The following MYO1H variants were observed in gnomAD, a reference collection of about 807,000 sequenced individuals.
The protein encoded by MYO1H is myosin IH.
Under a neutral mutation model 149.3 loss-of-function variants are expected in MYO1H, and 118 were observed. The observed-to-expected ratio is 0.79, with a 90% CI of 0.68 to 0.92. The LOEUF is 0.92. Among genes scored for constraint, MYO1H ranks in the 40% least tolerant of loss-of-function variants. The pLI is 0.00. For missense variants in MYO1H, 1,212 were observed against 1,280.7 expected, an observed-to-expected ratio of 0.95 and a Z score of 0.82; for synonymous variants, 447 against 465.2, an observed-to-expected ratio of 0.96 and a Z score of 0.50.
chr12:109,408,161 C>T (rs748878449), intron 10 of MYO1H, among the ~76,000 whole-genome samples: 2 of 152,104 alleles, frequency 1.3e-5, no homozygotes, highest in Non-Finnish European at 2.9e-5. Flanking sequence ...CAAGTGTACA[C>T]AGAAACTTTT....
rs78279352 is a variant in MYO1H at position 109,358,709 on chromosome 12, A to G, written c.12+10737A>G. Among the ~76,000 whole-genome samples, 1,443 of 152,270 alleles carry G rather than the reference A, an allele frequency of 9.5e-3. 22 individuals carry two copies. Among genetic ancestry groups the G allele is most frequent in the African/African-American group, 0.033 (1,354 of 41,542 alleles). ...AGATAGTGTGTTCTCTGCAGTATGC[A>G]GAGTAAAAGCGATACCATGAGCGTT... On this transcript the variant is annotated intron_variant, in intron 1 of 31. Coordinates refer to ENST00000310903, the Ensembl canonical transcript of MYO1H.
intron 13 of MYO1H, 37 bp downstream of exon 13, chr12:109,410,805 C>T (rs369281066): frequency 3.4e-5 from 46 of 1,338,450 alleles, no homozygotes; most frequent in African/African-American, 1.7e-4. Flanking sequence ...GCTATTCACC[C>T]GGCACTTACA....
At chr12:109,369,405 C>T (rs1242078029) in intron 1 of MYO1H, among the ~76,000 whole-genome samples, 5 of 152,106 alleles carry the variant, frequency 3.3e-5, no homozygotes, top group South Asian at 2.1e-4. Flanking sequence ...CAAATGATAT[C>T]GAGGCATAAA....
chr12:109,389,439 G>C (rs960982789), intron 2 of MYO1H, among the ~76,000 whole-genome samples: 1 of 152,106 alleles, frequency 6.6e-6, no homozygotes, highest in African/African-American at 2.4e-5. Flanking sequence ...AGCCCTGGAC[G>C]GTATAGGCAG....
chr12:109,406,986 T>A, intron 9 of MYO1H, 126 bp downstream of exon 9: 1 of 767,388 alleles, frequency 1.3e-6, no homozygotes, highest in South Asian at 1.6e-5. Context: ...CCCTGCGTGG[T>A]CCAGCTCCTG....
At chr12:109,445,778 T>A (rs1872454732) in intron 31 of MYO1H, 166 bp downstream of exon 31, 2 of 984,566 alleles carry the variant, frequency 2.0e-6, no homozygotes, top group South Asian at 4.7e-5. Flanking sequence ...GAAACTGATA[T>A]AGAGATACAC....
chr12:109,427,720 G>A (rs1871411440), intron 19 of MYO1H, 134 bp downstream of exon 19: 1 of 620,812 alleles, frequency 1.6e-6, no homozygotes, highest in Non-Finnish European at 2.9e-6. Context: ...AGTTATGACA[G>A]CTAAAAACAC....
chr12:109,380,011 A>G (rs1869169755), intron 1 of MYO1H, among the ~76,000 whole-genome samples: 1 of 151,888 alleles, frequency 6.6e-6, no homozygotes, highest in African/African-American at 2.4e-5. Flanking sequence ...GATTACAGGC[A>G]TAAGCCACCA....
the MYO1H span, among the ~76,000 whole-genome samples, chr12:109,338,765 C>CAAAAAAA: frequency 1.1e-5 from 1 of 87,320 alleles, no homozygotes; most frequent in African/African-American, 4.7e-5. Context: ...GACTCCATCT[C>CAAAAAAA]AAAAAAAAAA....
intron 16 of MYO1H, among the ~76,000 whole-genome samples, chr12:109,423,942 A>C (rs1871267334): frequency 6.6e-6 from 1 of 152,238 alleles, no homozygotes; most frequent in Admixed American, 6.5e-5. Flanking sequence ...CGAAAGTCAA[A>C]CAGTCCAAAA....
chr12:109,400,770 T>C (rs1017462351), intron 5 of MYO1H, among the ~76,000 whole-genome samples: 2 of 152,124 alleles, frequency 1.3e-5, no homozygotes, highest in Admixed American at 1.3e-4. Context: ...ATCAACTGGA[T>C]ATCAACATGA....
intron 1 of MYO1H, among the ~76,000 whole-genome samples, chr12:109,374,052 A>G (rs140913871): frequency 6.6e-5 from 10 of 152,238 alleles, no homozygotes; most frequent in East Asian, 1.9e-4. Flanking sequence ...ATTAAACTAC[A>G]TATACTCTTA....
rs756180585 is a variant in MYO1H at position 109,436,548 on chromosome 12, G to T, written c.2201G>T (p.Arg734Ile). The change falls in exon 22 of 32, where the codon AGA becomes ATA. Residue 734 changes from arginine to isoleucine, a missense_variant. Arg to Ile is a moderately conservative substitution (Grantham distance 97). Coordinates refer to ENST00000310903, the Ensembl canonical transcript of MYO1H. Reference sequence around the variant, plus strand: ...GGAAGGAGAGAATACGTGAAAAAAAGACAAGCAGGTAAGAATTAAATAGAA... The same window carrying T: ...GGAAGGAGAGAATACGTGAAAAAAATACAAGCAGGTAAGAATTAAATAGAA... 6.2e-6 allele frequency: 10 copies of T among 1,606,562 alleles called. No individual in the cohort carries two copies. In the Admixed American group the frequency reaches 1.7e-4, roughly 27 times the overall value.
exon 23 of MYO1H, chr12:109,438,538 A>G (rs769584013): frequency 1.2e-6 from 2 of 1,612,816 alleles, no homozygotes; most frequent in Non-Finnish European, 1.7e-6. Context: ...TCTTTCAGCC[A>G]TCAAACTGGA....
At chr12:109,339,307 A>G in the MYO1H span, among the ~76,000 whole-genome samples, 4 of 152,070 alleles carry the variant, frequency 2.6e-5, no homozygotes, top group Non-Finnish European at 5.9e-5. Context: ...GGAGGTTGCA[A>G]TGAGCCAAGA....
At chr12:109,390,770 A>C (rs546065913) in intron 2 of MYO1H, among the ~76,000 whole-genome samples, 1 of 151,108 alleles carries the variant, frequency 6.6e-6, no homozygotes, top group African/African-American at 2.4e-5. Context: ...GGTTCAAGCA[A>C]TTCTCCTGCC....
the MYO1H span, among the ~76,000 whole-genome samples, chr12:109,339,918 T>C: frequency 2.0e-5 from 3 of 152,192 alleles, no homozygotes. Flanking sequence ...TTTAGCAAAA[T>C]AATAAATGTC....
In MYO1H at chr12:109,440,444, G is replaced by A. The variant is rs909233639; in HGVS notation, c.2455-300G>A. On this transcript the variant is annotated intron_variant, in intron 24 of 31. Coordinates refer to ENST00000310903, the Ensembl canonical transcript of MYO1H. ...GTGTCTGGAACTTAGAGGCGGGGCTGTTGTAAGAGTCCCGGGCTCCACTTT... is the reference window on the plus strand; with the variant it reads ...GTGTCTGGAACTTAGAGGCGGGGCTATTGTAAGAGTCCCGGGCTCCACTTT... 3.0e-5 allele frequency: 10 copies of A among 331,930 alleles called. No individual in the cohort carries two copies. In the Admixed American group the frequency reaches 3.2e-4, roughly 11 times the overall value. The allele number at this position is 331,930 out of a possible 1,614,324, so 20.6% of individuals were successfully genotyped here. A position where few individuals can be genotyped will look rare whatever the true frequency, so the allele number is the denominator to read the frequency against.
Position 109,348,383 on chromosome 12 carries a change from A to G in MYO1H, c.12+411A>G, listed in dbSNP as rs150020999. On this transcript the variant is annotated intron_variant, in intron 1 of 31. Coordinates refer to ENST00000310903, the Ensembl canonical transcript of MYO1H. ...TTTGACTGAATTTTCATTAATTTAA[A>G]TAGCCACATGTGGCTAGTGGCTACT... 1.1e-3 allele frequency among the ~76,000 whole-genome samples: 169 copies of G among 152,328 alleles called. 1 individual carries two copies. Among genetic ancestry groups the G allele is most frequent in the African/African-American group, 3.9e-3 (161 of 41,590 alleles).
Sources: gnomAD v4.1 joint callset for allele counts (sites outside exome capture counted in the v4.1 genomes callset) on GRCh38, gnomAD v4.1.1 for gene constraint, MANE v1.5 for transcripts, NCBI Gene and HGNC (gene_info 2026-07-23, HGNC 2026-07-21) for gene names.